FBN1: variants seen among roughly 807,000 people sequenced by gnomAD.
FBN1 encodes fibrillin-1.
In FBN1, 29 loss-of-function variants were observed where a neutral mutation model predicts 365.1. The ratio of observed to expected loss-of-function variants is 0.08; its 90% CI spans 0.06 to 0.11. The LOEUF (loss-of-function observed/expected upper bound fraction) is 0.11. Among genes scored for constraint, FBN1 ranks in the 10% least tolerant of loss-of-function variants. The pLI is 1.00. For missense variants in FBN1, 2,476 were observed against 3,703.2 expected, an observed-to-expected ratio of 0.67 and a Z score of 8.60; for synonymous variants, 1,210 against 1,270.5, an observed-to-expected ratio of 0.95 and a Z score of 1.01.
intron 53 of FBN1, among the ~76,000 whole-genome samples, chr15:48,435,319 AG>A (rs1330609940): frequency 6.6e-6 from 1 of 151,122 alleles, no homozygotes; most frequent in Non-Finnish European, 1.5e-5. Flanking sequence ...AGATGCTCTA[AG>A]GGTTAAAAAA....
intron 2 of FBN1, chr15:48,642,615 G>A (rs1391943891): frequency 1.3e-5 from 2 of 151,732 alleles, no homozygotes; most frequent in Non-Finnish European, 2.9e-5. Context: ...CTGAAAGGTG[G>A]CAGGGAAATA....
intron 6 of FBN1, among the ~76,000 whole-genome samples, chr15:48,573,574 A>G (rs1191919989): frequency 6.6e-6 from 1 of 152,232 alleles, no homozygotes; most frequent in African/African-American, 2.4e-5. Flanking sequence ...GCTTCAGCAC[A>G]TGTAAAATCA....
rs757290299 is a variant in FBN1, at chr15:48,411,102, G to A, written c.8504C>T (p.Pro2835Leu). ...GTYSLQISST[P>L]LYKKKELNQL... ...GTTAAGTTCTTTCTTTTTATAAAGT[G>A]GAGTACTACTGATTTGTAATGAATA... Residue 2835 changes from proline to leucine, a missense_variant, in exon 66 of 66, where the codon CCA (proline) becomes CTA (leucine). This residue lies in a region of FBN1 where 177 missense variants were observed against 192.7 expected (regional missense o/e 0.92). Transcript: ENST00000316623. 5 of 1,614,032 alleles carry A rather than the reference G, an allele frequency of 3.1e-6. No individual in the cohort carries two copies. The South Asian group carries it at 5.5e-5, about 18-fold the overall frequency.
At chr15:48,606,531 G>GA (rs2044611645) in intron 4 of FBN1, among the ~76,000 whole-genome samples, 1 of 152,146 alleles carries the variant, frequency 6.6e-6, no homozygotes, top group South Asian at 2.1e-4. Flanking sequence ...TTTGTGAAAT[G>GA]AAAAAATTAT....
At chr15:48,424,414 C>T (rs35134053) in intron 60 of FBN1, among the ~76,000 whole-genome samples, 3,759 of 152,256 alleles carry the variant, frequency 0.025, 82 homozygotes, top group East Asian at 0.081. Flanking sequence ...CTGGATCCTC[C>T]GTGGGGATGT....
chr15:48,514,865 T>C (rs1209733582), intron 12 of FBN1, among the ~76,000 whole-genome samples: 1 of 152,222 alleles, frequency 6.6e-6, no homozygotes, highest in Non-Finnish European at 1.5e-5. Flanking sequence ...AATATGCTCA[T>C]GTCTTAATTC....
chr15:48,610,631 T>G, intron 4 of FBN1, 97 bp downstream of exon 4: 1 of 888,492 alleles, frequency 1.1e-6, no homozygotes, highest in Admixed American at 2.0e-5. Flanking sequence ...AGTGAAAAAA[T>G]GTATTGCAGG....
At chr15:48,596,847 T>C (rs1254607930) in intron 5 of FBN1, among the ~76,000 whole-genome samples, 1 of 152,244 alleles carries the variant, frequency 6.6e-6, no homozygotes, top group Non-Finnish European at 1.5e-5. Context: ...TCTTCAGTAA[T>C]TTAAGTACCA....
chr15:48,537,984 G>A (rs1421262446), intron 6 of FBN1, among the ~76,000 whole-genome samples, 176 bp from the exon 7 acceptor site: 3 of 152,108 alleles, frequency 2.0e-5, no homozygotes, highest in Non-Finnish European at 4.4e-5. Context: ...TTCTGAACCC[G>A]ATTTCCTAAC....
At chr15:48,498,386 T>C (rs913923409) in intron 18 of FBN1, among the ~76,000 whole-genome samples, 1 of 152,228 alleles carries the variant, frequency 6.6e-6, no homozygotes, top group African/African-American at 2.4e-5. Context: ...AATCAAACTA[T>C]GTAGCTTTAT....
At chr15:48,477,996 G>A (rs1269727797) in intron 32 of FBN1, among the ~76,000 whole-genome samples, 1 of 152,110 alleles carries the variant, frequency 6.6e-6, no homozygotes, top group African/African-American at 2.4e-5. Flanking sequence ...GGGCTGCTGT[G>A]GCCTCCTCTT....
chr15:48,469,288 A>G (rs1490893897), intron 36 of FBN1, among the ~76,000 whole-genome samples: 1 of 151,898 alleles, frequency 6.6e-6, no homozygotes, highest in Non-Finnish European at 1.5e-5. Context: ...ATTTCATCAA[A>G]TTAGAGCAAG....
At chr15:48,587,724 C>T (rs2044448069) in intron 6 of FBN1, among the ~76,000 whole-genome samples, 1 of 152,134 alleles carries the variant, frequency 6.6e-6, no homozygotes, top group African/African-American at 2.4e-5. Context: ...TATTTTAAGG[C>T]CCTCATGACA....
chr15:48,615,222 T>C (rs562595723), intron 2 of FBN1, among the ~76,000 whole-genome samples: 24 of 152,090 alleles, frequency 1.6e-4, no homozygotes, highest in African/African-American at 5.3e-4. Flanking sequence ...AATCCTGGAA[T>C]AGTGTCAGAG....
intron 17 of FBN1, among the ~76,000 whole-genome samples, chr15:48,501,493 T>C (rs1168232695): frequency 6.6e-6 from 1 of 152,234 alleles, no homozygotes; most frequent in Non-Finnish European, 1.5e-5. Context: ...ATTTTCTTTA[T>C]AAATTACTCA....
chr15:48,449,070 G>A (rs986711584), intron 45 of FBN1, among the ~76,000 whole-genome samples, 177 bp from the exon 46 acceptor site: 4 of 152,136 alleles, frequency 2.6e-5, no homozygotes, highest in African/African-American at 9.7e-5. Context: ...GGCATAGTCA[G>A]AGTATGTTAA....
chr15:48,570,577 T>C (rs1165236629), intron 6 of FBN1, among the ~76,000 whole-genome samples: 2 of 152,172 alleles, frequency 1.3e-5, no homozygotes, highest in African/African-American at 2.4e-5. Flanking sequence ...GACTCCCCTA[T>C]CTAACATTTC....
chr15:48,599,653 A>T (rs2044546554), intron 5 of FBN1, among the ~76,000 whole-genome samples: 1 of 152,204 alleles, frequency 6.6e-6, no homozygotes, highest in African/African-American at 2.4e-5. Flanking sequence ...ACTGAACACC[A>T]TGTGATAAGT....
At chr15:48,492,401 C>T in intron 24 of FBN1, 60 bp downstream of exon 24, 1 of 1,555,750 alleles carries the variant, frequency 6.4e-7, no homozygotes, top group Admixed American at 1.7e-5. Context: ...ATCTTGTTAA[C>T]TTCATTTTTA....
Sources: gnomAD v4.1 joint callset for allele counts (sites outside exome capture counted in the v4.1 genomes callset) on GRCh38, gnomAD v4.1.1 for gene constraint, gnomAD v4.1.1 regional missense constraint, MANE v1.5 for transcripts, NCBI Gene and HGNC (gene_info 2026-07-23, HGNC 2026-07-21) for gene names.